NOL4L: variants seen among roughly 807,000 people sequenced by gnomAD.
NOL4L encodes nucleolar protein 4 like.
Under a neutral mutation model 64.5 loss-of-function variants are expected in NOL4L, and 7 were observed. The ratio of observed to expected loss-of-function variants is 0.11; its 90% CI spans 0.06 to 0.20. The LOEUF is 0.20. Among genes scored for constraint, NOL4L ranks in the 10% least tolerant of loss-of-function variants. The pLI is 1.00. For missense variants in NOL4L, 680 were observed against 967.1 expected (o/e 0.70, Z 3.94); for synonymous variants, 413 against 401.0 (o/e 1.03, Z -0.36).
At position 32,460,490 on chromosome 20, in the gene NOL4L, G is replaced by A. The variant is rs1156885044; in HGVS notation, c.842-4095C>T. On this transcript the variant is annotated intron_variant, in intron 5 of 10. Coordinates refer to ENST00000621426, the MANE Select transcript of NOL4L (RefSeq NM_001256798.2). This position sits in a 1 kb window ranked among gnomAD's most constrained non-coding sequence, Gnocchi z 5.7. ...TGTTTTGCCGACTGGGGAGGCCACAGGTTTGAGCCGCGGAGTGGCTGGAAG... is the reference window on the plus strand; with the variant it reads ...TGTTTTGCCGACTGGGGAGGCCACAAGTTTGAGCCGCGGAGTGGCTGGAAG... Among the ~76,000 whole-genome samples the A allele has an allele frequency of 6.6e-6, 1 of 152,194 alleles. No homozygotes were observed. The highest frequency in any genetic ancestry group is 1.5e-5 in the Non-Finnish European group (1 of 68,036).
intron 3 of NOL4L, among the ~76,000 whole-genome samples, chr20:32,516,921 A>G (rs1341526146): frequency 6.6e-6 from 1 of 152,370 alleles, no homozygotes; most frequent in East Asian, 1.9e-4. Flanking sequence ...ATTTTGTCAC[A>G]TCAAAGAAAA....
intron 1 of NOL4L, among the ~76,000 whole-genome samples, chr20:32,543,911 C>A (rs550824804): frequency 1.3e-5 from 2 of 152,268 alleles, no homozygotes; most frequent in Admixed American, 6.5e-5. Flanking sequence ...GGACAGGGAG[C>A]CTCTGCTGAA....
At chr20:32,495,319 A>T (rs898521598) in intron 4 of NOL4L, among the ~76,000 whole-genome samples, 6 of 152,106 alleles carry the variant, frequency 3.9e-5, no homozygotes, top group African/African-American at 1.4e-4. Flanking sequence ...GGGCTCTGTG[A>T]CTCATATCTG....
chr20:32,481,934 CTTTGGTGTGTGTG>C (rs1348336881), intron 4 of NOL4L, among the ~76,000 whole-genome samples: 4 of 78,924 alleles, frequency 5.1e-5, no homozygotes, highest in Non-Finnish European at 9.0e-5. Context: ...CCCACACCCC[CTTTGGTGTGTGTG>C]AGTTGGTGGG....
chr20:32,535,022 C>T (rs976703551), intron 1 of NOL4L, among the ~76,000 whole-genome samples: 1 of 151,640 alleles, frequency 6.6e-6, no homozygotes, highest in Non-Finnish European at 1.5e-5. Flanking sequence ...AGGGGCCCCA[C>T]AGGGAAAGGA....
intron 4 of NOL4L, among the ~76,000 whole-genome samples, chr20:32,494,379 G>A (rs2016604214): frequency 6.6e-6 from 1 of 151,634 alleles, no homozygotes; most frequent in African/African-American, 2.4e-5. Context: ...CTGTGTCTGG[G>A]GGTACCCAGC....
At chr20:32,573,011 G>A (rs1568720891) in intron 1 of NOL4L, among the ~76,000 whole-genome samples, 2 of 151,844 alleles carry the variant, frequency 1.3e-5, no homozygotes, top group South Asian at 4.2e-4. Context: ...GCAGCTCTGA[G>A]AGATAGGTCA....
At chr20:32,564,259 G>A (rs1979279071) in intron 1 of NOL4L, among the ~76,000 whole-genome samples, 1 of 152,226 alleles carries the variant, frequency 6.6e-6, no homozygotes, top group African/African-American at 2.4e-5. Context: ...CAGGGGAGGT[G>A]TACAGGGAGC....
chr20:32,470,525 G>A (rs546106222), intron 5 of NOL4L, among the ~76,000 whole-genome samples: 4 of 152,350 alleles, frequency 2.6e-5, no homozygotes, highest in Non-Finnish European at 4.4e-5. Context: ...CACAGGTGGC[G>A]GCGTAAGTAC....
chr20:32,548,876 A>G (rs2018764240), intron 1 of NOL4L: 4 of 448,460 alleles, frequency 8.9e-6, no homozygotes, highest in Non-Finnish European at 1.8e-5. Flanking sequence ...ATAAAATTGA[A>G]TACTACACAG....
chr20:32,514,258 G>A (rs1024864870), intron 3 of NOL4L, among the ~76,000 whole-genome samples: 1 of 152,178 alleles, frequency 6.6e-6, no homozygotes, highest in Admixed American at 6.5e-5. Flanking sequence ...TAGGGAGGCT[G>A]AGGCAGGCGG....
At chr20:32,458,914 C>T (rs940633619) in intron 5 of NOL4L, among the ~76,000 whole-genome samples, 5 of 152,382 alleles carry the variant, frequency 3.3e-5, no homozygotes, top group Admixed American at 6.5e-5. Flanking sequence ...TCCAGAGACA[C>T]GCTGCTCAGG....
intron 1 of NOL4L, among the ~76,000 whole-genome samples, chr20:32,544,933 A>T (rs1396056199): frequency 6.6e-6 from 1 of 152,190 alleles, no homozygotes; most frequent in African/African-American, 2.4e-5. Context: ...CAGGAAACTG[A>T]GGCTAAGTCA....
chr20:32,497,020 A>C, intron 4 of NOL4L, among the ~76,000 whole-genome samples: 1 of 149,194 alleles, frequency 6.7e-6, no homozygotes, highest in African/African-American at 2.5e-5. Flanking sequence ...AGCAGACAGC[A>C]CAAATTCACA....
intron 2 of NOL4L, among the ~76,000 whole-genome samples, chr20:32,524,637 C>T (rs867853183): frequency 2.0e-5 from 3 of 152,176 alleles, no homozygotes; most frequent in Admixed American, 6.5e-5. Flanking sequence ...AAGTCCTCAG[C>T]CAGGAGCTTG....
chr20:32,533,133 A>G (rs1397233613), intron 1 of NOL4L, among the ~76,000 whole-genome samples: 1 of 152,140 alleles, frequency 6.6e-6, no homozygotes, highest in East Asian at 1.9e-4. Context: ...ACAAAAACAA[A>G]AACAAAAAAA....
intron 4 of NOL4L, among the ~76,000 whole-genome samples, chr20:32,490,728 T>C (rs2016433024): frequency 6.6e-6 from 1 of 152,252 alleles, no homozygotes; most frequent in Admixed American, 6.5e-5. Context: ...AAAACCATGA[T>C]AAAAGGTAAA....
chr20:32,488,861 TTCTTTCTTTCTTTC>T lies in NOL4L; in HGVS notation c.700-14133_700-14120del, dbSNP rs2016315857. 5.7e-5 allele frequency among the ~76,000 whole-genome samples: 6 copies of T among 105,054 alleles called. No homozygotes were observed. In the South Asian group the frequency reaches 1.5e-3, roughly 26 times the overall value. 68.9% of individuals were successfully genotyped at this position (105,054 alleles called of 152,430 possible). Reference sequence around the variant, plus strand: ...TTTCTTTCTTTCTTTCTTTCTTTCTTTCTTTCTTTCTTTCTTTCTTTCTTTCTTTCTTTCCTCTC... The same window carrying T: ...TTTCTTTCTTTCTTTCTTTCTTTCTTTTTCTTTCTTTCTTTCTTTCCTCTC... On this transcript the variant is annotated intron_variant, in intron 4 of 10. Transcript: ENST00000621426.
At chr20:32,492,280 T>C (rs1231202692) in intron 4 of NOL4L, among the ~76,000 whole-genome samples, 1 of 152,182 alleles carries the variant, frequency 6.6e-6, no homozygotes, top group Non-Finnish European at 1.5e-5. Context: ...ACGCATGCCA[T>C]AACACAGATG....
Sources: allele counts gnomAD v4.1 joint callset (sites outside exome capture counted in the v4.1 genomes callset), GRCh38; gene constraint gnomAD v4.1.1; non-coding constraint Gnocchi (gnomAD v3.1); transcripts MANE v1.5; gene names NCBI Gene and HGNC (gene_info 2026-07-23, HGNC 2026-07-21).